Variants in NKD2 observed in about 807,000 individuals in gnomAD.
NKD2 encodes the protein protein naked cuticle homolog 2.
NKD2 carries 43 observed loss-of-function variants against 34.8 expected under a neutral mutation model. The ratio of observed to expected loss-of-function variants is 1.24; its 90% CI spans 0.97 to 1.60. NKD2 has a LOEUF of 1.60. NKD2 is among the 40% of genes most tolerant of loss of function. The probability of loss-of-function intolerance (pLI) is 0.00; values close to 1 mark genes in which losing one functional copy is unlikely to be tolerated. For missense variants in NKD2, 675 were observed against 627.1 expected (o/e 1.08, Z -0.82); for synonymous variants, 278 against 265.1 (o/e 1.05, Z -0.47).
rs1206746804 is a variant in NKD2 at position 1,009,805 on chromosome 5, C to T, written c.141+245C>T. 6.6e-6 allele frequency among the ~76,000 whole-genome samples: 1 copy of T among 152,038 alleles called. No homozygotes were observed. The highest frequency in any genetic ancestry group is 1.9e-4 in the East Asian group (1 of 5,162). On this transcript the variant is annotated intron_variant, in intron 3 of 9. Transcript: ENST00000296849. This position sits in a 1 kb window ranked among gnomAD's most constrained non-coding sequence, Gnocchi z 6.9. Reference sequence around the variant, plus strand: ...GGGTAGGGGAATCGGAATTCCTTGTCCTAGGCTGGGAGCCGTGTGGGGGCT... The same window carrying T: ...GGGTAGGGGAATCGGAATTCCTTGTTCTAGGCTGGGAGCCGTGTGGGGGCT...
At chr5:1,015,654 G>T (rs1755919977) in intron 3 of NKD2, among the ~76,000 whole-genome samples, 1 of 152,204 alleles carries the variant, frequency 6.6e-6, no homozygotes, top group Non-Finnish European at 1.5e-5. Flanking sequence ...GCCACTGCTG[G>T]GGTGAGGTCA....
rs759596705 is a variant in NKD2 at position 1,033,364 on chromosome 5, C to T, written c.203-8C>T. ...TGCCAGCCCCTTCGCCTCCTCTTGT[C>T]CCCCTAGTGGCACTCCCCGCTGAGA... On this transcript the variant is annotated splice_region_variant and splice_polypyrimidine_tract_variant and intron_variant, in intron 4 of 9. Transcript: ENST00000296849. 3.1e-6 allele frequency: 5 copies of T among 1,593,788 alleles called. No individual in the cohort carries two copies. The highest frequency in any genetic ancestry group is 4.3e-6 in the Non-Finnish European group (5 of 1,170,590).
chr5:1,034,666 G>T, intron 6 of NKD2, 90 bp from the exon 7 acceptor site: 1 of 1,337,010 alleles, frequency 7.5e-7, no homozygotes. Flanking sequence ...GGCATAGGAA[G>T]GGGCGGGGGC....
intron 3 of NKD2, among the ~76,000 whole-genome samples, chr5:1,011,225 CA>C (rs767828209): frequency 3.3e-5 from 5 of 152,210 alleles, no homozygotes; most frequent in African/African-American, 4.8e-5. Flanking sequence ...AGCTTTCAGA[CA>C]AAAGTGCTGC....
intron 3 of NKD2, among the ~76,000 whole-genome samples, chr5:1,025,987 C>T (rs1369916760): frequency 8.8e-6 from 1 of 113,072 alleles, no homozygotes; most frequent in African/African-American, 3.4e-5. Context: ...TCTTCCCACC[C>T]GCTAGTGGGC....
chr5:1,012,840 A>G (rs1425261278), intron 3 of NKD2, among the ~76,000 whole-genome samples: 3 of 152,224 alleles, frequency 2.0e-5, no homozygotes, highest in Non-Finnish European at 4.4e-5. Context: ...CTGTGGGTCC[A>G]GAGAGCTGGA....
At chr5:1,022,225 AGCCCTTTGTCCCTGCTCTTCCC>A (rs1756227205) in intron 3 of NKD2, among the ~76,000 whole-genome samples, 4 of 148,814 alleles carry the variant, frequency 2.7e-5, no homozygotes, top group South Asian at 4.3e-4. Flanking sequence ...TGGGTGTCCC[AGCCCTTTGTCCCTGCTCTTCCC>A]ACCCGCTGTG....
At chr5:1,032,788 G>A (rs1224786050) in intron 4 of NKD2, among the ~76,000 whole-genome samples, 3 of 152,238 alleles carry the variant, frequency 2.0e-5, no homozygotes, top group Non-Finnish European at 2.9e-5. Context: ...GCTCAGGCTC[G>A]ACGTGCACCT....
intron 3 of NKD2, among the ~76,000 whole-genome samples, chr5:1,017,529 T>A (rs1756007391): frequency 6.6e-6 from 1 of 152,262 alleles, no homozygotes; most frequent in South Asian, 2.1e-4. Context: ...TGCCTTGTGC[T>A]GCTGGACAGA....
rs560362137 is a variant in NKD2 at position 1,014,327 on chromosome 5, C to T, written c.141+4767C>T. 9.2e-5 allele frequency among the ~76,000 whole-genome samples: 14 copies of T among 152,342 alleles called. No individual in the cohort carries two copies. The Middle Eastern group carries it at 0.01, about 111-fold the overall frequency. On this transcript the variant is annotated intron_variant, in intron 3 of 9. Transcript: ENST00000296849. The stretch of plus-strand genomic sequence containing the variant: ...TCATCAGCCCTGCAGCTTTGGGCCG[C>T]CGTATGCCTGCATTAGGGTGTTGGG...
intron 3 of NKD2, among the ~76,000 whole-genome samples, chr5:1,014,160 G>A (rs1342274249): frequency 6.6e-6 from 1 of 152,238 alleles, no homozygotes; most frequent in Non-Finnish European, 1.5e-5. Flanking sequence ...TGGGAAGCCT[G>A]GTGCTGCTCC....
At chr5:1,025,949 T>TA (rs147480969) in intron 3 of NKD2, among the ~76,000 whole-genome samples, 5,160 of 18,334 alleles carry the variant, frequency 0.28, 93 homozygotes, top group Non-Finnish European at 0.44. Context: ...TCCCACCCGC[T>TA]GTGGGCGTCT....
At chr5:1,027,379 G>T (rs1756462221) in intron 3 of NKD2, among the ~76,000 whole-genome samples, 1 of 152,210 alleles carries the variant, frequency 6.6e-6, no homozygotes, top group African/African-American at 2.4e-5. Flanking sequence ...TAACGTCCCA[G>T]ACTTGGGGTT....
chr5:1,038,548 C>A lies in NKD2; in HGVS notation c.*175C>A. On this transcript the variant is annotated 3_prime_UTR_variant, in exon 10 of 10. Coordinates refer to ENST00000296849, the MANE Select transcript of NKD2 (RefSeq NM_033120.4). The surrounding 1 kb of genome is among the most constrained non-coding windows in gnomAD (Gnocchi z 4.5). The stretch of plus-strand genomic sequence containing the variant: ...CATGATGGAGGTGGTGCACCTTGGA[C>A]ACGTGGACAAGGCCCAGGCGCCCTC... The A allele has an allele frequency of 1.5e-6, 2 of 1,361,254 alleles. No homozygotes were observed. Among genetic ancestry groups the A allele is most frequent in the Non-Finnish European group, 2.0e-6 (2 of 989,212 alleles). 84.3% of individuals were successfully genotyped at this position (1,361,254 alleles called of 1,614,324 possible). A position where few individuals can be genotyped will look rare whatever the true frequency, so the allele number is the denominator to read the frequency against.
intron 9 of NKD2, 120 bp downstream of exon 9, chr5:1,036,504 C>CCA: frequency 4.0e-6 from 2 of 497,092 alleles, no homozygotes; most frequent in Non-Finnish European, 3.2e-6. Flanking sequence ...CCCCCCCCAA[C>CCA]CCCCCCCACC....
At position 1,033,411 on chromosome 5, in the gene NKD2, C is replaced by T. The variant is rs781077167; in HGVS notation, c.242C>T (p.Pro81Leu). Residue 81 changes from proline to leucine, a missense_variant, in exon 5 of 10, where the codon CCG becomes CTG. Pro to Leu is a moderately conservative substitution (Grantham distance 98). Transcript: ENST00000296849. ...GAGAAAGCTGAGGGCCGCGAGCACC[C>T]GGGACAACTCCTCAGCGCAGATGAC... is the stretch of plus-strand genomic sequence containing the variant. ...PAEKAEGREH[P>L]GQLLSADDGE... The T allele has an allele frequency of 1.2e-4, 188 of 1,596,760 alleles. 3 individuals are homozygous for T. In the South Asian group the frequency reaches 1.7e-3, roughly 15 times the overall value.
intron 3 of NKD2, among the ~76,000 whole-genome samples, chr5:1,031,603 A>C (rs984376684): frequency 6.6e-6 from 1 of 152,166 alleles, no homozygotes; most frequent in Non-Finnish European, 1.5e-5. Flanking sequence ...AAGGCTGCAG[A>C]TTATTCATGA....
chr5:1,037,861 G>A lies in NKD2; in HGVS notation c.844G>A (p.Ala282Thr). The change falls in exon 10 of 10, where the codon GCC becomes ACC. Residue 282 changes from alanine to threonine, a missense_variant. Transcript: ENST00000296849. ...CCAGGGCAGGGCCTCGCACCTCCAGGCCCGGTCCCGCTCCCAGGAGCCAGA... is the reference window on the plus strand; with the variant it reads ...CCAGGGCAGGGCCTCGCACCTCCAGACCCGGTCCCGCTCCCAGGAGCCAGA... The part of the protein sequence containing the change: ...EPQGRASHLQ[A>T]RSRSQEPDTH... 1 of 1,600,624 alleles carries A rather than the reference G, an allele frequency of 6.2e-7. No homozygotes were observed.
At chr5:1,022,682 G>T (rs796477094) in intron 3 of NKD2, among the ~76,000 whole-genome samples, 12 of 5,668 alleles carry the variant, frequency 2.1e-3, no homozygotes, top group Admixed American at 0.012. Flanking sequence ...GTCTCAGCCC[G>T]TTGTCCCTGC....
Sources: allele counts gnomAD v4.1 joint callset (sites outside exome capture counted in the v4.1 genomes callset), GRCh38; gene constraint gnomAD v4.1.1; non-coding constraint Gnocchi (gnomAD v3.1); transcripts MANE v1.5; gene names NCBI Gene and HGNC (gene_info 2026-07-23, HGNC 2026-07-21).